GRAMD1B: variants seen among roughly 807,000 people sequenced by gnomAD.
The protein encoded by GRAMD1B is protein Aster-B.
A neutral mutation model predicts 99.7 loss-of-function variants in GRAMD1B; 37 were observed. The ratio of observed to expected loss-of-function variants is 0.37; its 90% confidence interval spans 0.29 to 0.49. GRAMD1B has a LOEUF of 0.49. GRAMD1B is among the 20% of genes least tolerant of loss of function. GRAMD1B has a pLI of 0.98. For synonymous variants in GRAMD1B, 427 were observed against 387.6 expected (o/e 1.10, Z -1.19); for missense variants, 888 against 1,009.2 (o/e 0.88, Z 1.63).
intron 1 of GRAMD1B, among the ~76,000 whole-genome samples, chr11:123,405,330 T>C (rs1372271912): frequency 1.3e-5 from 2 of 152,186 alleles, no homozygotes; most frequent in Admixed American, 1.3e-4. Flanking sequence ...TGTCCTGCTC[T>C]GACCCTTCTC....
intron 4 of GRAMD1B, among the ~76,000 whole-genome samples, chr11:123,590,423 C>T (rs1950531124): frequency 6.6e-6 from 1 of 152,190 alleles, no homozygotes; most frequent in African/African-American, 2.4e-5. Flanking sequence ...CCTCCCTACT[C>T]CACGCCTCCA....
intron 2 of GRAMD1B, among the ~76,000 whole-genome samples, chr11:123,564,089 G>T (rs897596817): frequency 1.3e-5 from 2 of 152,220 alleles, no homozygotes; most frequent in Non-Finnish European, 2.9e-5. Flanking sequence ...TGAGGGGCAG[G>T]ACATGTGGCG....
At chr11:123,548,785 T>G (rs1453120673) in intron 2 of GRAMD1B, among the ~76,000 whole-genome samples, 1 of 152,118 alleles carries the variant, frequency 6.6e-6, no homozygotes, top group Non-Finnish European at 1.5e-5. Context: ...TTTTTAATTT[T>G]TTAAATAGAA....
At chr11:123,371,730 G>T (rs1480917391) in intron 1 of GRAMD1B, among the ~76,000 whole-genome samples, 1 of 152,214 alleles carries the variant, frequency 6.6e-6, no homozygotes, top group African/African-American at 2.4e-5. Context: ...TTTCTGTCAT[G>T]CAGGGAAGAG....
Position 123,510,467 on chromosome 11 carries a change from GC to G in GRAMD1B, c.452+29580del, listed in dbSNP as rs892931334. Among the ~76,000 whole-genome samples, 3 of 152,150 alleles carry G rather than the reference GC, an allele frequency of 2.0e-5. No individual in the cohort carries two copies. Among genetic ancestry groups the G allele is most frequent in the Non-Finnish European group, 2.9e-5 (2 of 68,016 alleles). On this transcript the variant is annotated intron_variant, in intron 2 of 19. Coordinates refer to ENST00000635736, the MANE Select transcript of GRAMD1B (RefSeq NM_001387025.1). The surrounding 1 kb of genome is among the most constrained non-coding windows in gnomAD (Gnocchi z 4.3). ...CTGTGGAACACAGACAGGAGACAGGGCCCCCCTGCTTGCTGTGGACCTCCAG... is the reference window on the plus strand; with the variant it reads ...CTGTGGAACACAGACAGGAGACAGGGCCCCCTGCTTGCTGTGGACCTCCAG...
chr11:123,527,191 C>T (rs956560449), intron 2 of GRAMD1B, among the ~76,000 whole-genome samples: 3 of 152,070 alleles, frequency 2.0e-5, no homozygotes, highest in East Asian at 1.9e-4. Flanking sequence ...GGTGGGGTGG[C>T]GGCAGGTCAC....
At chr11:123,491,816 G>C in intron 2 of GRAMD1B, 1 of 399,140 alleles carries the variant, frequency 2.5e-6, no homozygotes, top group Non-Finnish European at 4.4e-6. Flanking sequence ...TGAGGTCCCA[G>C]CTGCCATGTG....
intron 2 of GRAMD1B, among the ~76,000 whole-genome samples, chr11:123,493,953 G>T (rs1325458874): frequency 6.6e-6 from 1 of 151,972 alleles, no homozygotes; most frequent in Non-Finnish European, 1.5e-5. Flanking sequence ...GTCCCAGTAG[G>T]GTTTCTCTCC....
chr11:123,574,152 G>A (rs2078158), intron 2 of GRAMD1B, among the ~76,000 whole-genome samples: 51,838 of 151,486 alleles, frequency 0.34, 8,958 homozygotes, highest in East Asian at 0.46. Context: ...TTAGGCTCAA[G>A]TAGTGCGTCG....
In GRAMD1B at chr11:123,591,359, G is replaced by A. The variant is rs758299275; in HGVS notation, c.685-2723G>A. 2 of 399,100 alleles carry A rather than the reference G, an allele frequency of 5.0e-6. No individual in the cohort carries two copies. The highest frequency in any genetic ancestry group is 8.8e-6 in the Non-Finnish European group (2 of 226,212). 24.7% of individuals were successfully genotyped at this position (399,100 alleles called of 1,614,324 possible). ...ACAGTCGGGAGTCAGTGCTCAGGGA[G>A]CCAGGCGTCGTTGGGAGGGGCAGCC... is the stretch of plus-strand genomic sequence containing the variant. On this transcript the variant is annotated intron_variant, in intron 4 of 19. Transcript: ENST00000635736. The surrounding 1 kb of genome is among the most constrained non-coding windows in gnomAD (Gnocchi z 4.7).
chr11:123,406,088 C>T (rs1160115088), intron 1 of GRAMD1B, among the ~76,000 whole-genome samples: 2 of 150,810 alleles, frequency 1.3e-5, no homozygotes. Flanking sequence ...GATCTCAGCT[C>T]TCTGCAACCT....
At chr11:123,410,181 A>G (rs537194500) in intron 1 of GRAMD1B, among the ~76,000 whole-genome samples, 32 of 152,268 alleles carry the variant, frequency 2.1e-4, no homozygotes, top group African/African-American at 7.7e-4. Flanking sequence ...TGGGACAAGA[A>G]AAAAGGAGCT....
intron 2 of GRAMD1B, among the ~76,000 whole-genome samples, chr11:123,495,821 TAAAC>T (rs1407730737): frequency 6.6e-6 from 1 of 152,148 alleles, no homozygotes; most frequent in African/African-American, 2.4e-5. Flanking sequence ...ACTGATTGCA[TAAAC>T]AAACTAACAA....
chr11:123,482,411 T>C (rs757578237), intron 2 of GRAMD1B, among the ~76,000 whole-genome samples: 1 of 152,220 alleles, frequency 6.6e-6, no homozygotes, highest in Non-Finnish European at 1.5e-5. Flanking sequence ...TGTGAAGTCT[T>C]GAAATGTCTA....
intron 1 of GRAMD1B, among the ~76,000 whole-genome samples, chr11:123,443,110 A>G (rs1218552316): frequency 6.6e-6 from 1 of 152,202 alleles, no homozygotes; most frequent in Non-Finnish European, 1.5e-5. Context: ...CTTACTGCGA[A>G]TGTAGTCCAG....
intron 2 of GRAMD1B, among the ~76,000 whole-genome samples, chr11:123,495,724 G>A (rs972091126): frequency 5.0e-5 from 7 of 139,776 alleles, no homozygotes; most frequent in African/African-American, 1.6e-4. Context: ...TTTGTGCATC[G>A]GTTGTGTGTT....
intron 14 of GRAMD1B, 125 bp from the exon 15 acceptor site, chr11:123,612,636 C>G (rs1953745000): frequency 1.4e-6 from 1 of 707,782 alleles, no homozygotes; most frequent in African/African-American, 1.7e-5. Context: ...GTGGAAGGAC[C>G]TTTTAACTTG....
chr11:123,450,530 G>A (rs956420991), intron 1 of GRAMD1B, among the ~76,000 whole-genome samples: 1 of 152,150 alleles, frequency 6.6e-6, no homozygotes, highest in African/African-American at 2.4e-5. Context: ...GTGCAATATT[G>A]GTCCCTATTT....
intron 1 of GRAMD1B, among the ~76,000 whole-genome samples, chr11:123,466,435 GAAGAAAGAAAGAAAGAGAAAGA>G (rs1950676844): frequency 7.1e-6 from 1 of 141,020 alleles, no homozygotes; most frequent in East Asian, 2.0e-4. Context: ...AGAAAGAAAG[GAAGAAAGAAAGAAAGAGAAAGA>G]AAGAAAGAAA....
Sources: allele counts gnomAD v4.1 joint callset (sites outside exome capture counted in the v4.1 genomes callset), GRCh38; gene constraint gnomAD v4.1.1; non-coding constraint Gnocchi (gnomAD v3.1); transcripts MANE v1.5; gene names NCBI Gene and HGNC (gene_info 2026-07-23, HGNC 2026-07-21).